MEIOB: variants seen among roughly 807,000 people sequenced by gnomAD.
The protein encoded by MEIOB is meiosis-specific with OB domain-containing protein.
A neutral mutation model predicts 53.1 loss-of-function variants in MEIOB; 50 were observed. That is an observed-to-expected ratio of 0.94 (90% CI 0.75 to 1.19). The LOEUF is 1.19. Among genes scored for constraint, MEIOB ranks in the 50% most tolerant of loss-of-function variants. MEIOB has a pLI of 0.00. For missense variants in MEIOB, 551 were observed against 550.8 expected, an observed-to-expected ratio of 1.00 and a Z score of 0.00; for synonymous variants, 192 against 182.5, an observed-to-expected ratio of 1.05 and a Z score of -0.42.
chr16:1,863,488 G>A (rs1899507216), intron 3 of MEIOB, among the ~76,000 whole-genome samples: 1 of 151,852 alleles, frequency 6.6e-6, no homozygotes, highest in Non-Finnish European at 1.5e-5. Flanking sequence ...CTGGGTTCAA[G>A]CAATTCTCCT....
At chr16:1,850,203 A>G (rs1009313725) in intron 9 of MEIOB, among the ~76,000 whole-genome samples, 1 of 152,150 alleles carries the variant, frequency 6.6e-6, no homozygotes, top group East Asian at 1.9e-4. Flanking sequence ...TTTCCATCAG[A>G]CAAATCTGTC....
intron 1 of MEIOB, 135 bp from the exon 2 acceptor site, chr16:1,868,319 G>A (rs1472397979): frequency 2.2e-6 from 1 of 457,274 alleles, no homozygotes; most frequent in Non-Finnish European, 4.1e-6. Context: ...CACTTTGGGA[G>A]GCTGAAGTGG....
intron 1 of MEIOB, among the ~76,000 whole-genome samples, chr16:1,868,735 G>C (rs1402590930): frequency 2.0e-5 from 3 of 150,936 alleles, no homozygotes; most frequent in Non-Finnish European, 4.4e-5. Flanking sequence ...GGCACCTGTA[G>C]GCCCAGCTAC....
chr16:1,849,060 G>A (rs1899094983), intron 9 of MEIOB, among the ~76,000 whole-genome samples: 1 of 151,246 alleles, frequency 6.6e-6, no homozygotes, highest in Non-Finnish European at 1.5e-5. Context: ...CAAGACCAGT[G>A]GATCACTTGA....
At chr16:1,838,016 A>C (rs1185014169) in intron 12 of MEIOB, 146 bp from the exon 13 acceptor site, 1 of 1,416,418 alleles carries the variant, frequency 7.1e-7, no homozygotes, top group Admixed American at 2.8e-5. Context: ...TTGTTTGTAG[A>C]GACAGGGTCT....
intron 9 of MEIOB, among the ~76,000 whole-genome samples, chr16:1,850,937 A>T (rs553819948): frequency 7.2e-5 from 11 of 152,154 alleles, no homozygotes; most frequent in African/African-American, 1.2e-4. Flanking sequence ...TAAAATAAAT[A>T]AAATTAAATT....
At chr16:1,860,519 A>G in intron 4 of MEIOB, 44 bp from the exon 5 acceptor site, 5 of 1,108,780 alleles carry the variant, frequency 4.5e-6, no homozygotes, top group Non-Finnish European at 6.7e-6. Context: ...AAACAGTAAC[A>G]AGATAAACAC....
intron 10 of MEIOB, among the ~76,000 whole-genome samples, chr16:1,842,457 A>AG (rs1170446419): frequency 9.9e-6 from 1 of 101,180 alleles, no homozygotes; most frequent in East Asian, 2.8e-4. Context: ...TCTACTTAAA[A>AG]AAAAAAAAAA....
At chr16:1,848,558 T>C (rs1472097115) in intron 9 of MEIOB, among the ~76,000 whole-genome samples, 3 of 149,586 alleles carry the variant, frequency 2.0e-5, no homozygotes, top group African/African-American at 4.9e-5. Flanking sequence ...TTTTTTTTTT[T>C]TGGAGACAGA....
At chr16:1,839,502 GA>G (rs1898841982) in intron 11 of MEIOB, 64 bp from the exon 12 acceptor site, 2 of 1,430,036 alleles carry the variant, frequency 1.4e-6, no homozygotes, top group Non-Finnish European at 1.9e-6. Context: ...ATCTGTAGCA[GA>G]AAAAGAATTG....
At chr16:1,841,280 AG>A (rs2142079294) in intron 11 of MEIOB, 1 of 152,264 alleles carries the variant, frequency 6.6e-6, no homozygotes, top group South Asian at 2.1e-4. Flanking sequence ...GACCTCCCAT[AG>A]TGCTGGGATT....
chr16:1,865,500 CACATACACATGCACACACATACACACGT>C (rs1899568406), intron 3 of MEIOB, among the ~76,000 whole-genome samples: 1 of 121,000 alleles, frequency 8.3e-6, no homozygotes, highest in African/African-American at 3.2e-5. Flanking sequence ...CACATACACA[CACATACACATGCACACACATACACACGT>C]GTGTGTATAC....
chr16:1,860,670 C>A (rs1292977051), intron 4 of MEIOB, among the ~76,000 whole-genome samples, 195 bp from the exon 5 acceptor site: 1 of 152,078 alleles, frequency 6.6e-6, no homozygotes, highest in Non-Finnish European at 1.5e-5. Flanking sequence ...ATCTTTATCT[C>A]CATATGTAAC....
intron 9 of MEIOB, among the ~76,000 whole-genome samples, chr16:1,846,243 G>A (rs1899023454): frequency 6.6e-6 from 1 of 152,222 alleles, no homozygotes; most frequent in African/African-American, 2.4e-5. Flanking sequence ...ATCTGCTGGA[G>A]TGAGGCCACA....
intron 13 of MEIOB, among the ~76,000 whole-genome samples, chr16:1,835,855 C>T (rs1018825226): frequency 1.4e-5 from 2 of 138,400 alleles, no homozygotes; most frequent in African/African-American, 5.5e-5. Flanking sequence ...TCTTCCAATT[C>T]CTTTTTCTTT....
chr16:1,870,425 C>G (rs1321251648), intron 1 of MEIOB, among the ~76,000 whole-genome samples: 1 of 152,166 alleles, frequency 6.6e-6, no homozygotes, highest in African/African-American at 2.4e-5. Context: ...CCACACCCAC[C>G]CGCTCCAGTT....
chr16:1,834,932 T>TGGGGGGGGGGGGGGGGGGGGGGGGGG, intron 13 of MEIOB, among the ~76,000 whole-genome samples: 1 of 106,312 alleles, frequency 9.4e-6, no homozygotes, highest in East Asian at 3.6e-4. Flanking sequence ...CGAAACTCTG[T>TGGGGGGGGGGGGGGGGGGGGGGGGGG]CCCCCCCACC....
Position 1,844,898 on chromosome 16 carries a change from C to G in MEIOB, c.844G>C (p.Asp282His). Residue 282 changes from aspartate (D) to histidine (H), a missense_variant, in exon 10 of 14, where the codon GAT becomes CAT. Transcript: ENST00000325962. ...RENKETNVLDDEIDSYFKESI... is the reference protein window; with the variant it reads ...RENKETNVLDHEIDSYFKESI... ...TCTTTGAAATAACTGTCAATTTCAT[C>G]ATCCAGAACATTCGTTTCTTTATTT... The G allele has an allele frequency of 6.4e-7, 1 of 1,558,568 alleles. No individual in the cohort carries two copies. Among genetic ancestry groups the G allele is most frequent in the Non-Finnish European group, 8.8e-7 (1 of 1,135,566 alleles).
chr16:1,844,449 A>AT (rs1898983852), intron 10 of MEIOB, among the ~76,000 whole-genome samples: 2 of 150,614 alleles, frequency 1.3e-5, no homozygotes, highest in South Asian at 4.2e-4. Flanking sequence ...TGTTTCTTTT[A>AT]TTTTTTTATT....
Sources: allele counts gnomAD v4.1 joint callset (sites outside exome capture counted in the v4.1 genomes callset), GRCh38; gene constraint gnomAD v4.1.1; transcripts MANE v1.5; gene names NCBI Gene and HGNC (gene_info 2026-07-23, HGNC 2026-07-21).